FARP1: variants seen among roughly 807,000 people sequenced by gnomAD.
FARP1 encodes the protein FERM, ARH/RhoGEF and pleckstrin domain protein 1.
In FARP1, 52 loss-of-function variants were observed where a neutral mutation model predicts 128.8. That is an observed-to-expected ratio of 0.40 (90% CI 0.32 to 0.51). The LOEUF (loss-of-function observed/expected upper bound fraction) is 0.51, where lower values mean the gene tolerates loss of function less well. FARP1 is among the 20% of genes least tolerant of loss of function. The probability of loss-of-function intolerance (pLI) is 0.45; values close to 1 mark genes in which losing one functional copy is unlikely to be tolerated. For synonymous variants in FARP1, 580 were observed against 551.8 expected, an observed-to-expected ratio of 1.05 and a Z score of -0.72; for missense variants, 1,333 against 1,367.9, an observed-to-expected ratio of 0.97 and a Z score of 0.40.
At chr13:98,377,510 A>T (rs982333012) in intron 5 of FARP1, among the ~76,000 whole-genome samples, 1 of 152,160 alleles carries the variant, frequency 6.6e-6, no homozygotes, top group African/African-American at 2.4e-5. Flanking sequence ...CTGTGAAAAA[A>T]ATGTAAATAT....
At chr13:98,313,049 T>G (rs1372674051) in intron 2 of FARP1, among the ~76,000 whole-genome samples, 1 of 151,978 alleles carries the variant, frequency 6.6e-6, no homozygotes, top group Non-Finnish European at 1.5e-5. Context: ...GCAGAGTCCT[T>G]ACAGATGTAA....
At chr13:98,211,216 C>T (rs1000898235) in intron 1 of FARP1, among the ~76,000 whole-genome samples, 6 of 152,194 alleles carry the variant, frequency 3.9e-5, no homozygotes, top group South Asian at 4.1e-4. Context: ...ACCAGTGGTC[C>T]GTGGCCTTTC....
chr13:98,224,184 A>G (rs534618904), intron 2 of FARP1, among the ~76,000 whole-genome samples: 6 of 152,260 alleles, frequency 3.9e-5, no homozygotes, highest in Non-Finnish European at 8.8e-5. Flanking sequence ...AAGCTGAATT[A>G]CTTTCCCAGG....
chr13:98,250,510 C>T (rs187257540), intron 2 of FARP1, among the ~76,000 whole-genome samples: 7 of 152,168 alleles, frequency 4.6e-5, no homozygotes, highest in Admixed American at 4.6e-4. Context: ...ATCACGAGGT[C>T]AAGAGTTTGA....
intron 11 of FARP1, among the ~76,000 whole-genome samples, chr13:98,391,486 G>T (rs1890304119): frequency 6.6e-6 from 1 of 152,144 alleles, no homozygotes; most frequent in Non-Finnish European, 1.5e-5. Context: ...GCCAGGGCTG[G>T]TCTCAAACTC....
At position 98,314,313 on chromosome 13, in the gene FARP1, C is replaced by G. The variant is rs545879367; in HGVS notation, c.172-29449C>G. Reference sequence around the variant, plus strand: ...TTTTTTTTTTTGAGATGGAGTCTTGCTTTGTCGCCAGGCTGGAGTGCACTG... The same window carrying G: ...TTTTTTTTTTTGAGATGGAGTCTTGGTTTGTCGCCAGGCTGGAGTGCACTG... On this transcript the variant is annotated intron_variant, in intron 2 of 26. Coordinates refer to ENST00000319562, the MANE Select transcript of FARP1 (RefSeq NM_005766.4). 6.3e-3 allele frequency among the ~76,000 whole-genome samples: 515 copies of G among 81,272 alleles called. 5 individuals are homozygous for G. The highest frequency in any genetic ancestry group is 0.024 in the African/African-American group (485 of 20,524). The allele number at this position is 81,272 out of a possible 152,430, so 53.3% of individuals were successfully genotyped here.
chr13:98,313,265 A>ACACACG (rs1228565027), intron 2 of FARP1, among the ~76,000 whole-genome samples: 2 of 150,666 alleles, frequency 1.3e-5, no homozygotes, highest in Admixed American at 1.3e-4. Context: ...ACACACACAC[A>ACACACG]CACACACACT....
intron 13 of FARP1, chr13:98,398,721 T>C (rs1422503559): frequency 6.6e-6 from 1 of 152,178 alleles, no homozygotes; most frequent in Non-Finnish European, 1.5e-5. Flanking sequence ...AAAATGTCAA[T>C]TTGCTATGAG....
At chr13:98,424,166 G>A (rs540240528) in intron 16 of FARP1, among the ~76,000 whole-genome samples, 2 of 152,304 alleles carry the variant, frequency 1.3e-5, no homozygotes, top group East Asian at 3.9e-4. Context: ...CAGGTGTCTA[G>A]CAGTACCCAT....
intron 1 of FARP1, among the ~76,000 whole-genome samples, chr13:98,190,044 T>C (rs1010717400): frequency 6.6e-6 from 1 of 152,224 alleles, no homozygotes; most frequent in Non-Finnish European, 1.5e-5. Context: ...CAGTTGCCAC[T>C]GTCCCTCCCC....
At chr13:98,240,808 G>A (rs1189356013) in intron 2 of FARP1, among the ~76,000 whole-genome samples, 2 of 152,200 alleles carry the variant, frequency 1.3e-5, no homozygotes, top group Non-Finnish European at 2.9e-5. Flanking sequence ...AACATCTTAG[G>A]ATGGGAAGGC....
intron 2 of FARP1, among the ~76,000 whole-genome samples, chr13:98,256,948 G>C (rs1036549234): frequency 5.2e-5 from 4 of 77,096 alleles, no homozygotes; most frequent in African/African-American, 1.6e-4. Flanking sequence ...TATATATGTG[G>C]ATATATATAT....
intron 1 of FARP1, among the ~76,000 whole-genome samples, chr13:98,165,731 TTTTTTTTTTTTTG>T: frequency 2.5e-5 from 2 of 80,922 alleles, no homozygotes; most frequent in Admixed American, 1.3e-4. Flanking sequence ...TTTTTTTTTT[TTTTTTTTTTTTTG>T]TCTCACTCTG....
chr13:98,371,670 G>T (rs1325858568), intron 5 of FARP1, among the ~76,000 whole-genome samples: 1 of 152,120 alleles, frequency 6.6e-6, no homozygotes, highest in Non-Finnish European at 1.5e-5. Context: ...AAGCAAAAAT[G>T]GACTGACTAT....
rs577035758 is a variant in FARP1 at position 98,440,010 on chromosome 13, G to A, written c.2483G>A (p.Arg828Gln). 4.0e-5 allele frequency: 64 copies of A among 1,603,140 alleles called. No individual in the cohort carries two copies. The Admixed American group carries it at 4.4e-4, about 11-fold the overall frequency. ...EWGVPHCLTLRGQRQSIIVAA... is the reference protein window; with the variant it reads ...EWGVPHCLTLQGQRQSIIVAA... ...GGGGTGCCCCACTGCCTGACCCTCC[G>A]GGGCCAGCGGCAGTCCATCATCGTG... The change falls in exon 22 of 27, where the codon CGG becomes CAG. Residue 828 changes from arginine to glutamine, a missense_variant. Coordinates refer to ENST00000319562, the MANE Select transcript of FARP1 (RefSeq NM_005766.4).
intron 2 of FARP1, 37 bp downstream of exon 2, chr13:98,213,450 T>A: frequency 6.2e-7 from 1 of 1,600,650 alleles, no homozygotes; most frequent in Non-Finnish European, 8.5e-7. Flanking sequence ...AGGAGTGTGG[T>A]AGGGGACAGC....
intron 8 of FARP1, among the ~76,000 whole-genome samples, chr13:98,388,079 T>C (rs1239542485): frequency 2.0e-5 from 3 of 152,172 alleles, no homozygotes; most frequent in South Asian, 4.1e-4. Context: ...CAGCTAATGA[T>C]TGTGGTGGTT....
chr13:98,206,376 A>G (rs2139292313), intron 1 of FARP1, among the ~76,000 whole-genome samples: 1 of 152,212 alleles, frequency 6.6e-6, no homozygotes, highest in East Asian at 1.9e-4. Context: ...TATCAATCTC[A>G]CTATGTCCAG....
At chr13:98,168,990 C>T (rs1877468061) in intron 1 of FARP1, among the ~76,000 whole-genome samples, 1 of 152,094 alleles carries the variant, frequency 6.6e-6, no homozygotes, top group African/African-American at 2.4e-5. Context: ...ACTGCTGAGC[C>T]AGATAATGCC....
Sources: gnomAD v4.1 joint callset for allele counts (sites outside exome capture counted in the v4.1 genomes callset) on GRCh38, gnomAD v4.1.1 for gene constraint, MANE v1.5 for transcripts, NCBI Gene and HGNC (gene_info 2026-07-23, HGNC 2026-07-21) for gene names.